Variants in ITPK1 observed in about 807,000 individuals in gnomAD.
ITPK1 encodes the protein inositol 1,3,4-trisphosphate 5/6-kinase.
In ITPK1, 21 loss-of-function variants were observed where a neutral mutation model predicts 45.3. The observed-to-expected ratio is 0.46, with a 90% CI of 0.33 to 0.67. The LOEUF is 0.67. ITPK1 is among the 30% of genes least tolerant of loss of function. The pLI is 0.02. For synonymous variants in ITPK1, 258 were observed against 253.6 expected (o/e 1.02, Z -0.16); for missense variants, 474 against 573.5 (o/e 0.83, Z 1.77).
intron 3 of ITPK1, among the ~76,000 whole-genome samples, chr14:93,052,582 C>T (rs773581950): frequency 3.2e-4 from 48 of 152,232 alleles, no homozygotes; most frequent in Middle Eastern, 3.4e-3. Context: ...GGTAGGGGGA[C>T]GGGAGATCCT....
intron 2 of ITPK1, among the ~76,000 whole-genome samples, chr14:93,083,199 C>T (rs563003366): frequency 6.6e-6 from 1 of 152,218 alleles, no homozygotes; most frequent in Admixed American, 6.5e-5. Flanking sequence ...CCAGGTGTGG[C>T]GTCAGGAGGT....
At chr14:93,089,874 C>T (rs1891797694) in intron 2 of ITPK1, among the ~76,000 whole-genome samples, 1 of 152,184 alleles carries the variant, frequency 6.6e-6, no homozygotes, top group African/African-American at 2.4e-5. Flanking sequence ...TCACAGCTGC[C>T]ACCAAGCCAA....
intron 3 of ITPK1, among the ~76,000 whole-genome samples, chr14:93,029,753 C>A (rs1279037218): frequency 6.6e-6 from 1 of 152,202 alleles, no homozygotes; most frequent in Non-Finnish European, 1.5e-5. Flanking sequence ...CCATGAGCAT[C>A]TTGCAGGCCC....
rs1054474769 is a variant in ITPK1, at chr14:93,016,785, G to T, written c.137C>A (p.Pro46Gln). 1 of 1,614,012 alleles carries T rather than the reference G, an allele frequency of 6.2e-7. No homozygotes were observed. Among genetic ancestry groups the T allele is most frequent in the East Asian group, 2.2e-5 (1 of 44,882 alleles). Reference sequence around the variant, plus strand: ...GTCCAGGGGGCCCTGCTCCTCGATCGGCCGGCTAAGGTTCAGCTGTGAGGC... The same window carrying T: ...GTCCAGGGGGCCCTGCTCCTCGATCTGCCGGCTAAGGTTCAGCTGTGAGGC... Reference protein sequence around the residue: ...MEVVQLNLSRPIEEQGPLDVI... With the variant: ...MEVVQLNLSRQIEEQGPLDVI... The change falls in exon 4 of 11, where the codon CCG (proline) becomes CAG (glutamine). Residue 46 changes from proline to glutamine, a missense_variant. This residue lies in a region of ITPK1 where 367 missense variants were observed against 480.6 expected (regional missense o/e 0.76). Transcript: ENST00000267615. The surrounding 1 kb of genome is among the most constrained non-coding windows in gnomAD (Gnocchi z 5.0).
Position 92,958,437 on chromosome 14 carries a change from C to A in ITPK1, c.505-71G>T. On this transcript the variant is annotated intron_variant, in intron 7 of 10. Coordinates refer to ENST00000267615, the MANE Select transcript of ITPK1 (RefSeq NM_014216.6). This position sits in a 1 kb window ranked among gnomAD's most constrained non-coding sequence, Gnocchi z 4.4. ...CTCAGCCTCCAACACACAGGTGTGTCACCTGTCCAGAGCACCTCCACCAAG... is the reference window on the plus strand; with the variant it reads ...CTCAGCCTCCAACACACAGGTGTGTAACCTGTCCAGAGCACCTCCACCAAG... 6.7e-7 allele frequency: 1 copy of A among 1,487,106 alleles called. No individual in the cohort carries two copies. Among genetic ancestry groups the A allele is most frequent in the South Asian group, 1.2e-5 (1 of 84,242 alleles). 92.1% of individuals were successfully genotyped at this position (1,487,106 alleles called of 1,614,324 possible). A position where few individuals can be genotyped will look rare whatever the true frequency, so the allele number is the denominator to read the frequency against.
intron 8 of ITPK1, among the ~76,000 whole-genome samples, chr14:92,954,682 A>G (rs986752762): frequency 5.9e-5 from 9 of 152,222 alleles, no homozygotes; most frequent in Non-Finnish European, 1.5e-5. Context: ...ACATCCCAGC[A>G]ACTCAGCCGT....
At chr14:93,015,038 T>A (rs1465073349) in intron 4 of ITPK1, among the ~76,000 whole-genome samples, 1 of 152,142 alleles carries the variant, frequency 6.6e-6, no homozygotes, top group African/African-American at 2.4e-5. Flanking sequence ...TCAGGGGCCT[T>A]CCGAAGGAGA....
intron 3 of ITPK1, among the ~76,000 whole-genome samples, chr14:93,075,209 C>T (rs1422015148): frequency 6.6e-6 from 1 of 151,618 alleles, no homozygotes; most frequent in Non-Finnish European, 1.5e-5. Flanking sequence ...CGCCTCTAAT[C>T]CCAGCTACTC....
intron 10 of ITPK1, among the ~76,000 whole-genome samples, chr14:92,942,640 G>A (rs906725307): frequency 1.8e-4 from 27 of 152,226 alleles, no homozygotes; most frequent in Admixed American, 7.2e-4. Flanking sequence ...GCTCCAGGGC[G>A]CAGCATCACA....
In ITPK1 at chr14:92,941,884, ACTCG is replaced by A; in HGVS notation, c.918_921del (p.Glu307SerfsTer6). 1 of 1,612,096 alleles carries A rather than the reference ACTCG, an allele frequency of 6.2e-7. No individual in the cohort carries two copies. Among genetic ancestry groups the A allele is most frequent in the Non-Finnish European group, 8.5e-7 (1 of 1,179,812 alleles). On this transcript the variant is annotated frameshift_variant, in exon 11 of 11. Coordinates refer to ENST00000267615, the MANE Select transcript of ITPK1 (RefSeq NM_014216.6). LOFTEE classifies it high-confidence loss of function. ...ATGTGGTTCAGGAGGTCTGTGAAGA[ACTCG>A]CTCACGCCCTCGTAGCCTGGGGGTG...
At chr14:93,090,274 G>A (rs1331536511) in intron 2 of ITPK1, among the ~76,000 whole-genome samples, 2 of 152,066 alleles carry the variant, frequency 1.3e-5, no homozygotes, top group African/African-American at 2.4e-5. Context: ...CATGCTGTCC[G>A]CCCCTGGAAC....
rs1426995975 is a variant in ITPK1 at position 93,016,141 on chromosome 14, G to A, written c.246+535C>T. ...AGGTCACTGTGCGATCAGGACCTGG[G>A]AGGCCGCTGGGGAAGTGGTGTGGGG... On this transcript the variant is annotated intron_variant, in intron 4 of 10. Coordinates refer to ENST00000267615, the MANE Select transcript of ITPK1 (RefSeq NM_014216.6). This position sits in a 1 kb window ranked among gnomAD's most constrained non-coding sequence, Gnocchi z 5.0. Among the ~76,000 whole-genome samples the A allele has an allele frequency of 1.3e-5, 2 of 152,200 alleles. No individual in the cohort carries two copies. The highest frequency in any genetic ancestry group is 1.9e-4 in the East Asian group (1 of 5,198).
intron 4 of ITPK1, 96 bp from the exon 5 acceptor site, chr14:92,994,093 A>G (rs1483533945): frequency 5.2e-6 from 4 of 768,872 alleles, no homozygotes; most frequent in African/African-American, 1.7e-5. Context: ...TTCCTGTCCT[A>G]TCCTCCAGCC....
chr14:93,047,608 G>A (rs2139923393), intron 3 of ITPK1, among the ~76,000 whole-genome samples: 1 of 152,336 alleles, frequency 6.6e-6, no homozygotes, highest in Middle Eastern at 3.4e-3. Context: ...GCTGGCAGAG[G>A]CAAGGAAGGC....
At chr14:93,046,073 C>A (rs1402275394) in intron 3 of ITPK1, among the ~76,000 whole-genome samples, 1 of 152,224 alleles carries the variant, frequency 6.6e-6, no homozygotes, top group Non-Finnish European at 1.5e-5. Flanking sequence ...CCATCCCCAC[C>A]CCACGCTCTT....
At chr14:92,987,552 G>A (rs1244809464) in intron 5 of ITPK1, among the ~76,000 whole-genome samples, 1 of 152,184 alleles carries the variant, frequency 6.6e-6, no homozygotes, top group South Asian at 2.1e-4. Flanking sequence ...CCAAGGGCAG[G>A]GAGATGGGAG....
chr14:93,058,663 T>G (rs1179847375), intron 3 of ITPK1, among the ~76,000 whole-genome samples: 1 of 846 alleles, frequency 1.2e-3, no homozygotes, highest in Non-Finnish European at 1.8e-3. Context: ...GAGGCAGGGG[T>G]GGAGGGGGTG....
chr14:93,002,499 G>A (rs1009798940), intron 4 of ITPK1, among the ~76,000 whole-genome samples: 1 of 152,150 alleles, frequency 6.6e-6, no homozygotes, highest in African/African-American at 2.4e-5. Flanking sequence ...AAGGCCTGGC[G>A]AAATGAAAAG....
Position 92,975,316 on chromosome 14 carries a change from C to G in ITPK1, c.365-12467G>C, listed in dbSNP as rs572117904. Among the ~76,000 whole-genome samples, 7 of 152,328 alleles carry G rather than the reference C, an allele frequency of 4.6e-5. No individual in the cohort carries two copies. The South Asian group carries it at 1.5e-3, about 32-fold the overall frequency. On this transcript the variant is annotated intron_variant, in intron 5 of 10. Coordinates refer to ENST00000267615, the MANE Select transcript of ITPK1 (RefSeq NM_014216.6). ...TCAGTGCCCCAGGCAGTGCCCCTGA[C>G]CCAGTACCCAGTTCCTCCGACATTA...
Sources: allele counts gnomAD v4.1 joint callset (sites outside exome capture counted in the v4.1 genomes callset), GRCh38; gene constraint gnomAD v4.1.1; regional missense constraint gnomAD v4.1.1; non-coding constraint Gnocchi (gnomAD v3.1); transcripts MANE v1.5; gene names NCBI Gene and HGNC (gene_info 2026-07-23, HGNC 2026-07-21).